Variants in SNX29 observed in about 807,000 individuals in gnomAD.
SNX29 encodes the protein sorting nexin 29.
Under a neutral mutation model 102.1 loss-of-function variants are expected in SNX29, and 78 were observed. The ratio of observed to expected loss-of-function variants is 0.76; its 90% CI spans 0.64 to 0.92. The LOEUF (loss-of-function observed/expected upper bound fraction) is 0.92. SNX29 is among the 40% of genes least tolerant of loss of function. The probability of loss-of-function intolerance (pLI) is 0.00; values close to 1 mark genes in which losing one functional copy is unlikely to be tolerated. For missense variants in SNX29, 1,280 were observed against 1,061.7 expected, an observed-to-expected ratio of 1.21 and a Z score of -2.86; for synonymous variants, 580 against 414.5, an observed-to-expected ratio of 1.40 and a Z score of -4.85.
chr16:12,565,996 C>G (rs950660685), intron 20 of SNX29, among the ~76,000 whole-genome samples: 2 of 152,158 alleles, frequency 1.3e-5, no homozygotes, highest in Non-Finnish European at 2.9e-5. Flanking sequence ...ACTTCTGCAC[C>G]CCTTCATGCC....
chr16:12,551,244 A>G lies in SNX29; in HGVS notation c.2319-17262A>G, dbSNP rs181733792. Among the ~76,000 whole-genome samples, 388 of 152,276 alleles carry G rather than the reference A, an allele frequency of 2.5e-3. 1 individual carries two copies. Among genetic ancestry groups the G allele is most frequent in the African/African-American group, 9.1e-3 (379 of 41,568 alleles). ...ATTTGCCATCTTCTGAGGACAGTCT[A>G]AAAATCACTGCTCCGGAGGTTCAGA... On this transcript the variant is annotated intron_variant, in intron 20 of 20. Coordinates refer to ENST00000566228, the MANE Select transcript of SNX29 (RefSeq NM_032167.5).
intron 20 of SNX29, among the ~76,000 whole-genome samples, chr16:12,538,162 A>G (rs8060370): frequency 0.071 from 10,800 of 152,172 alleles, 518 homozygotes; most frequent in African/African-American, 0.14. Flanking sequence ...GTCACCCAGA[A>G]TAGAGTGCAG....
At chr16:12,027,765 T>C in intron 4 of SNX29, 2 of 199,016 alleles carry the variant, frequency 1.0e-5, no homozygotes, top group Non-Finnish European at 2.1e-5. Flanking sequence ...CTGTTTTAAT[T>C]TGATGCCTGA....
chr16:12,192,659 A>G (rs1045844223), intron 13 of SNX29, among the ~76,000 whole-genome samples: 4 of 151,474 alleles, frequency 2.6e-5, no homozygotes, highest in East Asian at 3.9e-4. Context: ...CTACAGGCAC[A>G]TGTCACCGTG....
chr16:12,425,544 ATAAAAAAAAT>A lies in SNX29; in HGVS notation c.2037+22016_2037+22025del, dbSNP rs756562437. Reference sequence around the variant, plus strand: ...TGACCAGAGTTAAAAAAAAAAAAAAATAAAAAAAATAAAAAGAGGGAATAGAAAACAGAGG... The same window carrying A: ...TGACCAGAGTTAAAAAAAAAAAAAAAAAAAAGAGGGAATAGAAAACAGAGG... On this transcript the variant is annotated intron_variant, in intron 18 of 20. Transcript: ENST00000566228. 7.5e-5 allele frequency among the ~76,000 whole-genome samples: 10 copies of A among 132,502 alleles called. 1 individual carries two copies. Among genetic ancestry groups the A allele is most frequent in the Middle Eastern group, 3.8e-3 (1 of 262 alleles). 86.9% of individuals were successfully genotyped at this position (132,502 alleles called of 152,430 possible).
intron 14 of SNX29, among the ~76,000 whole-genome samples, chr16:12,239,563 C>T (rs1039626019): frequency 4.7e-5 from 7 of 147,910 alleles, no homozygotes; most frequent in African/African-American, 1.8e-4. Flanking sequence ...CATGGTGGCT[C>T]ACTCCTGTAA....
At chr16:12,463,511 A>G (rs1186906097) in intron 18 of SNX29, among the ~76,000 whole-genome samples, 2 of 152,108 alleles carry the variant, frequency 1.3e-5, no homozygotes, top group African/African-American at 4.8e-5. Flanking sequence ...ATCAGATCTC[A>G]TGAGACTTAT....
intron 20 of SNX29, 67 bp from the exon 21 acceptor site, chr16:12,568,439 C>A (rs1053901755): frequency 2.5e-6 from 4 of 1,588,480 alleles, no homozygotes; most frequent in Admixed American, 1.7e-5. Context: ...CCTGGCTCCC[C>A]TTCCTGGCCT....
chr16:12,083,086 C>G (rs896603595), intron 11 of SNX29, among the ~76,000 whole-genome samples: 2 of 152,152 alleles, frequency 1.3e-5, no homozygotes, highest in East Asian at 1.9e-4. Flanking sequence ...GGGGGAATCA[C>G]TTGAGGTCAG....
At chr16:12,442,715 C>T (rs1287858872) in intron 18 of SNX29, among the ~76,000 whole-genome samples, 1 of 152,032 alleles carries the variant, frequency 6.6e-6, no homozygotes, top group African/African-American at 2.4e-5. Context: ...CTCAACCTCT[C>T]GAGTAGCTGG....
intron 20 of SNX29, among the ~76,000 whole-genome samples, chr16:12,525,105 T>G (rs1381319498): frequency 6.6e-6 from 1 of 152,140 alleles, no homozygotes; most frequent in Non-Finnish European, 1.5e-5. Context: ...TCTGTGATTT[T>G]GTACTTTCAC....
intron 7 of SNX29, among the ~76,000 whole-genome samples, chr16:12,050,824 G>A (rs572056827): frequency 2.1e-4 from 32 of 151,840 alleles, no homozygotes; most frequent in Non-Finnish European, 4.0e-4. Context: ...AAATTCTCCT[G>A]CCTCAGCCTC....
chr16:12,194,790 C>T (rs1395299714), intron 13 of SNX29, among the ~76,000 whole-genome samples: 2 of 151,920 alleles, frequency 1.3e-5, no homozygotes, highest in Non-Finnish European at 2.9e-5. Context: ...CCAGGCCCAG[C>T]TCATTTTTGT....
At chr16:12,206,692 C>G (rs564092788) in intron 14 of SNX29, among the ~76,000 whole-genome samples, 5 of 152,128 alleles carry the variant, frequency 3.3e-5, no homozygotes, top group African/African-American at 1.2e-4. Flanking sequence ...GTCTTTCCAT[C>G]TCTTCACCCC....
chr16:12,156,701 C>A (rs2055566192), intron 13 of SNX29, among the ~76,000 whole-genome samples: 1 of 152,230 alleles, frequency 6.6e-6, no homozygotes, highest in Non-Finnish European at 1.5e-5. Context: ...GCAGGCCTCT[C>A]TAGGTCCTTA....
intron 16 of SNX29, chr16:12,367,094 C>A (rs28469469): frequency 0.052 from 7,988 of 152,310 alleles, 329 homozygotes; most frequent in African/African-American, 0.11. Context: ...GTGGAGTGGG[C>A]CATTGCCTGC....
intron 17 of SNX29, among the ~76,000 whole-genome samples, chr16:12,401,088 C>A (rs1265007858): frequency 6.6e-6 from 1 of 152,186 alleles, no homozygotes; most frequent in East Asian, 1.9e-4. Context: ...ACCTCGGCCT[C>A]CCAAAGTGTT....
At chr16:12,121,700 C>G (rs912199867) in intron 11 of SNX29, among the ~76,000 whole-genome samples, 1 of 152,232 alleles carries the variant, frequency 6.6e-6, no homozygotes, top group African/African-American at 2.4e-5. Context: ...CTGCATTTGT[C>G]TCTGTCCAGG....
At chr16:12,347,850 G>C (rs1213983293) in intron 15 of SNX29, among the ~76,000 whole-genome samples, 1 of 151,564 alleles carries the variant, frequency 6.6e-6, no homozygotes, top group African/African-American at 2.4e-5. Flanking sequence ...GGCTGAGGCA[G>C]GAGGATTCCT....
Sources: gnomAD v4.1 joint callset for allele counts (sites outside exome capture counted in the v4.1 genomes callset) on GRCh38, gnomAD v4.1.1 for gene constraint, MANE v1.5 for transcripts, NCBI Gene and HGNC (gene_info 2026-07-23, HGNC 2026-07-21) for gene names.